Variants in GRIK4 observed in about 807,000 individuals in gnomAD.
GRIK4 encodes glutamate ionotropic receptor kainate type subunit 4.
Under a neutral mutation model 104.9 loss-of-function variants are expected in GRIK4, and 40 were observed. The ratio of observed to expected loss-of-function variants is 0.38; its 90% confidence interval spans 0.30 to 0.50. The LOEUF (loss-of-function observed/expected upper bound fraction) is 0.50, where lower values mean the gene tolerates loss of function less well. Among genes scored for constraint, GRIK4 ranks in the 20% least tolerant of loss-of-function variants. The probability of loss-of-function intolerance (pLI) is 0.93; values close to 1 mark genes in which losing one functional copy is unlikely to be tolerated. For missense variants in GRIK4, 1,047 were observed against 1,308.1 expected, an observed-to-expected ratio of 0.80 and a Z score of 3.08; for synonymous variants, 485 against 524.9, an observed-to-expected ratio of 0.92 and a Z score of 1.04.
intron 3 of GRIK4, among the ~76,000 whole-genome samples, chr11:120,782,914 A>C (rs1036168150): frequency 2.6e-5 from 4 of 152,192 alleles, no homozygotes; most frequent in Admixed American, 2.6e-4. Context: ...CTCACAAGGC[A>C]GGAGGGCAAG....
chr11:120,690,201 G>A lies in GRIK4; in HGVS notation c.82+29801G>A, dbSNP rs577531943. Reference sequence around the variant, plus strand: ...AATGCTGAAGCATAGCTGCCCTGTCGTCCTGGTGCGTGAGTGGCTTTAGTG... The same window carrying A: ...AATGCTGAAGCATAGCTGCCCTGTCATCCTGGTGCGTGAGTGGCTTTAGTG... On this transcript the variant is annotated intron_variant, in intron 3 of 20. Transcript: ENST00000527524. Among the ~76,000 whole-genome samples the A allele has an allele frequency of 5.9e-5, 9 of 152,264 alleles. No individual in the cohort carries two copies. The South Asian group carries it at 6.2e-4, about 11-fold the overall frequency.
At chr11:120,662,240 G>C (rs1309821639) in intron 3 of GRIK4, among the ~76,000 whole-genome samples, 1 of 152,208 alleles carries the variant, frequency 6.6e-6, no homozygotes, top group East Asian at 1.9e-4. Context: ...AACAATGCTT[G>C]TTCAGCTCTG....
intron 6 of GRIK4, among the ~76,000 whole-genome samples, chr11:120,828,063 C>T (rs1953313891): frequency 6.6e-6 from 1 of 152,168 alleles, no homozygotes; most frequent in South Asian, 2.1e-4. Flanking sequence ...CCTCAAGTGA[C>T]ATGGCGACGG....
At chr11:120,541,504 T>C (rs545231128) in intron 1 of GRIK4, among the ~76,000 whole-genome samples, 56 of 152,206 alleles carry the variant, frequency 3.7e-4, no homozygotes, top group South Asian at 1.2e-3. Flanking sequence ...TACTCTTTTT[T>C]TTTTTCTGAG....
intron 11 of GRIK4, among the ~76,000 whole-genome samples, chr11:120,878,620 C>A (rs1389326642): frequency 8.7e-5 from 13 of 148,760 alleles, no homozygotes; most frequent in African/African-American, 3.3e-4. Context: ...CCCGCCCCCC[C>A]CCCTTTTTTC....
chr11:120,900,309 A>T (rs1454436152), intron 12 of GRIK4, among the ~76,000 whole-genome samples: 2 of 152,166 alleles, frequency 1.3e-5, no homozygotes, highest in Non-Finnish European at 2.9e-5. Context: ...GGGTCCATAG[A>T]GCTTAGGAAC....
intron 3 of GRIK4, among the ~76,000 whole-genome samples, chr11:120,735,882 G>T (rs1951213095): frequency 6.6e-6 from 1 of 152,042 alleles, no homozygotes; most frequent in Non-Finnish European, 1.5e-5. Flanking sequence ...GGACATCTCA[G>T]TCAGCTTGTG....
intron 12 of GRIK4, among the ~76,000 whole-genome samples, chr11:120,901,880 CATG>C (rs1250805148): frequency 2.0e-5 from 3 of 152,146 alleles, no homozygotes; most frequent in Admixed American, 6.5e-5. Context: ...TGCACGTGCT[CATG>C]AGGGGTGGGG....
intron 12 of GRIK4, among the ~76,000 whole-genome samples, chr11:120,904,646 C>T (rs547185399): frequency 2.0e-5 from 3 of 152,354 alleles, no homozygotes; most frequent in Admixed American, 2.0e-4. Context: ...CGCCCCTGCT[C>T]ACAACCTGTG....
chr11:120,901,967 G>T (rs770148410), intron 12 of GRIK4, among the ~76,000 whole-genome samples: 1 of 152,162 alleles, frequency 6.6e-6, no homozygotes, highest in Non-Finnish European at 1.5e-5. Context: ...TATTAGCCTT[G>T]GTTCTTTTCT....
chr11:120,648,775 G>T (rs928563826), intron 1 of GRIK4, among the ~76,000 whole-genome samples: 2 of 151,810 alleles, frequency 1.3e-5, no homozygotes, highest in Admixed American at 6.6e-5. Context: ...ATTCTTTATT[G>T]TGTTTGTAAT....
In GRIK4 at chr11:120,607,110, C is replaced by T. The variant is rs7943522; in HGVS notation, c.-158-46575C>T. ...CAGGGCAAGACCAGAGGCAAGGATG[C>T]CAGTTGGGAGGCTCGGCTCAGTGGT... On this transcript the variant is annotated intron_variant, in intron 1 of 20. Coordinates refer to ENST00000527524, the MANE Select transcript of GRIK4 (RefSeq NM_014619.5). Among the ~76,000 whole-genome samples, 583 of 152,188 alleles carry T rather than the reference C, an allele frequency of 3.8e-3. 6 individuals carry two copies. The highest frequency in any genetic ancestry group is 0.013 in the African/African-American group (547 of 41,500).
intron 1 of GRIK4, among the ~76,000 whole-genome samples, chr11:120,532,296 G>T (rs765485118): frequency 6.6e-6 from 1 of 152,074 alleles, no homozygotes; most frequent in African/African-American, 2.4e-5. Flanking sequence ...GCCCTACCCC[G>T]CCCCCAGCTT....
At chr11:120,817,859 A>T (rs1346234417) in intron 5 of GRIK4, among the ~76,000 whole-genome samples, 4 of 152,176 alleles carry the variant, frequency 2.6e-5, no homozygotes, top group Non-Finnish European at 5.9e-5. Context: ...GGGAGCTCCT[A>T]CATTTGGGGA....
At position 120,986,098 on chromosome 11, in the gene GRIK4, G is replaced by A. The variant is rs780070730; in HGVS notation, c.2709G>A (p.Gln903=). ...CGAGEPDQLA[Q]RLAQEAALVA... ...CAGGGGAGCCCGACCAGCTCGCGCA[G>A]AGACTGGCGCAGGAGGCCGCCCTGG... The change falls in exon 21 of 21, where the codon CAG becomes CAA. Residue 903 remains glutamine (Q), a synonymous_variant. Coordinates refer to ENST00000527524, the MANE Select transcript of GRIK4 (RefSeq NM_014619.5). The A allele has an allele frequency of 3.6e-5, 55 of 1,512,946 alleles. No homozygotes were observed. The highest frequency in any genetic ancestry group is 1.2e-5 in the South Asian group (1 of 81,404). The allele number at this position is 1,512,946 out of a possible 1,614,324, so 93.7% of individuals were successfully genotyped here. A position where few individuals can be genotyped will look rare whatever the true frequency, so the allele number is the denominator to read the frequency against.
chr11:120,664,189 G>C (rs1229762842), intron 3 of GRIK4, among the ~76,000 whole-genome samples: 1 of 152,170 alleles, frequency 6.6e-6, no homozygotes. Context: ...GCATAAAGAG[G>C]TAAACTTATT....
At chr11:120,928,109 G>C (rs1403477082) in intron 13 of GRIK4, among the ~76,000 whole-genome samples, 1 of 151,706 alleles carries the variant, frequency 6.6e-6, no homozygotes, top group African/African-American at 2.4e-5. Flanking sequence ...CAGCTACTCG[G>C]GAGGCTGAGG....
chr11:120,709,686 A>G (rs1014293610), intron 3 of GRIK4, among the ~76,000 whole-genome samples: 3 of 152,196 alleles, frequency 2.0e-5, no homozygotes, highest in African/African-American at 4.8e-5. Context: ...TGTTTGTTGC[A>G]TACACTGTGT....
At chr11:120,930,029 G>A (rs1380481087) in intron 13 of GRIK4, among the ~76,000 whole-genome samples, 3 of 149,374 alleles carry the variant, frequency 2.0e-5, no homozygotes, top group South Asian at 2.1e-4. Flanking sequence ...CCTTACCCAC[G>A]CTGTTGGCTG....
Sources: gnomAD v4.1 joint callset for allele counts (sites outside exome capture counted in the v4.1 genomes callset) on GRCh38, gnomAD v4.1.1 for gene constraint, MANE v1.5 for transcripts, NCBI Gene and HGNC (gene_info 2026-07-23, HGNC 2026-07-21) for gene names.